Variants in LRRC37A2 observed in about 807,000 individuals in gnomAD.
LRRC37A2 encodes leucine-rich repeat-containing protein 37A2.
In LRRC37A2, 9 loss-of-function variants were observed where a neutral mutation model predicts 68.8. The ratio of observed to expected loss-of-function variants is 0.13; its 90% confidence interval spans 0.08 to 0.23. The LOEUF (loss-of-function observed/expected upper bound fraction) is 0.23. Ranked by LOEUF, LRRC37A2 falls within the 10% of genes least tolerant of loss-of-function variation. LRRC37A2 has a pLI of 1.00. For missense variants in LRRC37A2, 168 were observed against 950.4 expected (o/e 0.18, Z 10.82); for synonymous variants, 63 against 367.6 (o/e 0.17, Z 9.48).
At chr17:46,818,397 G>A in the LRRC37A2 span, 2 of 970,854 alleles carry the variant, frequency 2.1e-6, no homozygotes, top group Non-Finnish European at 3.2e-6. Context: ...CGGGTGGGGG[G>A]CTGGAGGGAG....
At chr17:46,876,240 C>G in the LRRC37A2 span, 24 of 1,599,136 alleles carry the variant, frequency 1.5e-5, no homozygotes, top group East Asian at 6.7e-5. Flanking sequence ...CTGCCTCCCC[C>G]ACAGGCTGTG....
the LRRC37A2 span, among the ~76,000 whole-genome samples, chr17:46,499,445 C>T: frequency 2.8e-3 from 414 of 149,406 alleles, 5 homozygotes; most frequent in Middle Eastern, 0.01. Context: ...GAAAAATCTA[C>T]AGTGGTTTCT....
At chr17:46,768,939 T>C in the LRRC37A2 span, 2 of 1,323,108 alleles carry the variant, frequency 1.5e-6, no homozygotes, top group Non-Finnish European at 2.0e-6. The surrounding 1 kb of genome is among the most constrained non-coding windows in gnomAD (Gnocchi z 5.0). Flanking sequence ...TGATGGGGAC[T>C]GAGGCAAGAC....
the LRRC37A2 span, among the ~76,000 whole-genome samples, chr17:47,008,111 ATTTT>A: frequency 7.0e-6 from 1 of 142,254 alleles, no homozygotes; most frequent in African/African-American, 2.6e-5. Context: ...AATTTAATTA[ATTTT>A]TTTTTTTTTT....
the LRRC37A2 span, among the ~76,000 whole-genome samples, chr17:46,853,142 G>A: frequency 6.6e-6 from 1 of 152,086 alleles, no homozygotes; most frequent in Non-Finnish European, 1.5e-5. Context: ...CCCTCGGCAG[G>A]CAGGATGTCA....
chr17:46,901,648 G>A, the LRRC37A2 span, among the ~76,000 whole-genome samples: 3 of 152,142 alleles, frequency 2.0e-5, no homozygotes, highest in Non-Finnish European at 2.9e-5. Flanking sequence ...GCCTTCTAAT[G>A]GGAAAGAAGC....
At chr17:46,724,629 A>G in the LRRC37A2 span, among the ~76,000 whole-genome samples, 1 of 152,204 alleles carries the variant, frequency 6.6e-6, no homozygotes, top group Non-Finnish European at 1.5e-5. Flanking sequence ...CTAGCCTAAT[A>G]ATGTCATGCT....
the LRRC37A2 span, among the ~76,000 whole-genome samples, chr17:46,440,429 C>G: frequency 1.6e-5 from 1 of 60,852 alleles, no homozygotes; most frequent in East Asian, 2.5e-4. Context: ...TGGGGTCTTT[C>G]CTATTCAGTA....
the LRRC37A2 span, among the ~76,000 whole-genome samples, chr17:46,818,953 T>TG: frequency 2.0e-5 from 3 of 152,184 alleles, no homozygotes; most frequent in Non-Finnish European, 4.4e-5. Context: ...GGGGACGCGG[T>TG]GGGCCGGACC....
the LRRC37A2 span, among the ~76,000 whole-genome samples, chr17:46,816,459 T>G: frequency 1.5e-5 from 2 of 132,072 alleles, no homozygotes; most frequent in Non-Finnish European, 3.1e-5. Context: ...CTTAGGGTCA[T>G]AGACCCAGAA....
the LRRC37A2 span, among the ~76,000 whole-genome samples, chr17:46,870,567 C>G: frequency 1.3e-5 from 2 of 152,200 alleles, no homozygotes; most frequent in African/African-American, 4.8e-5. Flanking sequence ...TCGGAGGTTT[C>G]GGAGATATGC....
chr17:46,467,364 T>C, the LRRC37A2 span, among the ~76,000 whole-genome samples: 2 of 66,288 alleles, frequency 3.0e-5, no homozygotes, highest in Non-Finnish European at 6.2e-5. Context: ...TCATGAGATA[T>C]CAATTTTTAT....
At chr17:46,966,684 TC>T in the LRRC37A2 span, 1 of 527,214 alleles carries the variant, frequency 1.9e-6, no homozygotes, top group Non-Finnish European at 3.4e-6. Flanking sequence ...GGATTTGAAC[TC>T]TGGTTCTATC....
At chr17:46,550,325 A>G (rs2056636043) in intron 10 of LRRC37A2, 90 bp from the exon 10 acceptor site, 1 of 343,318 alleles carries the variant, frequency 2.9e-6, no homozygotes, top group Non-Finnish European at 5.6e-6. Flanking sequence ...AAAAAATAAA[A>G]AAGAACCTGT....
the LRRC37A2 span, among the ~76,000 whole-genome samples, chr17:46,568,902 CAGATGTAGAAA>C: frequency 7.6e-6 from 1 of 130,926 alleles, no homozygotes; most frequent in East Asian, 2.1e-4. Context: ...GCAAACAAAG[CAGATGTAGAAA>C]AGATGTAGAA....
At chr17:46,530,500 C>G (rs2053540665) in intron 6 of LRRC37A2, among the ~76,000 whole-genome samples, 1 of 107,778 alleles carries the variant, frequency 9.3e-6, no homozygotes, top group African/African-American at 3.6e-5. Flanking sequence ...TGGCTCCCAG[C>G]CTCGCCACTG....
chr17:46,493,578 G>A, the LRRC37A2 span, among the ~76,000 whole-genome samples: 4 of 143,966 alleles, frequency 2.8e-5, no homozygotes, highest in African/African-American at 5.4e-5. Flanking sequence ...TCGCTGTGTC[G>A]CCAGGCTGGA....
chr17:46,980,689 C>G, the LRRC37A2 span, among the ~76,000 whole-genome samples: 1 of 99,048 alleles, frequency 1.0e-5, no homozygotes, highest in Non-Finnish European at 2.5e-5. Flanking sequence ...AAAAATTAGC[C>G]GGGCGTGGTG....
the LRRC37A2 span, among the ~76,000 whole-genome samples, chr17:46,945,192 G>T: frequency 5.9e-5 from 9 of 152,198 alleles, no homozygotes; most frequent in Non-Finnish European, 1.2e-4. Context: ...GCTCTAACCA[G>T]CCCTGGCTGC....
Sources: gnomAD v4.1 joint callset for allele counts (sites outside exome capture counted in the v4.1 genomes callset) on GRCh38, gnomAD v4.1.1 for gene constraint, Gnocchi (gnomAD v3.1) non-coding constraint, MANE v1.5 for transcripts, NCBI Gene and HGNC (gene_info 2026-07-23, HGNC 2026-07-21) for gene names.